The following GPAT4 variants were observed in gnomAD, a reference collection of about 807,000 sequenced individuals.
GPAT4 encodes 1-AGP acyltransferase 6.
GPAT4 carries 17 observed loss-of-function variants against 58.0 expected under a neutral mutation model. The ratio of observed to expected loss-of-function variants is 0.29; its 90% confidence interval spans 0.20 to 0.44. The LOEUF is 0.44. Ranked by LOEUF, GPAT4 falls within the 20% of genes least tolerant of loss-of-function variation. The pLI, the probability that GPAT4 is intolerant of heterozygous loss-of-function variation, is 1.00. For missense variants in GPAT4, 377 were observed against 574.5 expected (o/e 0.66, Z 3.51); for synonymous variants, 204 against 210.1 (o/e 0.97, Z 0.25).
In GPAT4 at chr8:41,618,757, T is replaced by G; in HGVS notation, c.1127T>G (p.Met376Arg). The G allele has an allele frequency of 6.2e-7, 1 of 1,614,266 alleles. No individual in the cohort carries two copies. The highest frequency in any genetic ancestry group is 8.5e-7 in the Non-Finnish European group (1 of 1,180,050). Residue 376 changes from methionine to arginine, a missense_variant, in exon 11 of 13, where the codon ATG becomes AGG. By Grantham distance (91) the Met-to-Arg change is moderately conservative. Transcript: ENST00000396987. ...ATGGTGACGTACCTGCTGCGAATGA[T>G]GACCAGCTGGGCCATTGTCTGCAGC... is the stretch of plus-strand genomic sequence containing the variant. ...YGMVTYLLRM[M>R]TSWAIVCSVW...
chr8:41,604,553 G>T (rs907333010), intron 2 of GPAT4, among the ~76,000 whole-genome samples: 17 of 152,210 alleles, frequency 1.1e-4, no homozygotes, highest in Non-Finnish European at 2.4e-4. Context: ...ATTACTAGGA[G>T]TAGAATTCCC....
chr8:41,584,093 C>G (rs926944700), intron 1 of GPAT4, among the ~76,000 whole-genome samples: 1 of 152,122 alleles, frequency 6.6e-6, no homozygotes, highest in Admixed American at 6.5e-5. Flanking sequence ...AATGGGGTCT[C>G]TCCTTGTTGT....
chr8:41,603,627 C>G (rs1009687933), intron 2 of GPAT4, among the ~76,000 whole-genome samples: 3 of 151,852 alleles, frequency 2.0e-5, no homozygotes, highest in Non-Finnish European at 4.4e-5. Flanking sequence ...TCTGATGTCC[C>G]AAGTATGGAC....
Position 41,621,049 on chromosome 8 carries a change from C to G in GPAT4, c.*48C>G. On this transcript the variant is annotated 3_prime_UTR_variant, in exon 13 of 13. Coordinates refer to ENST00000396987, the MANE Select transcript of GPAT4 (RefSeq NM_178819.4). ...CCACCGTGCGGGGTGCCAACGGGCT[C>G]AGAGCTGGAGTTGCCGCCGCCGCCC... 3 of 1,548,924 alleles carry G rather than the reference C, an allele frequency of 1.9e-6. No homozygotes were observed. Among genetic ancestry groups the G allele is most frequent in the Non-Finnish European group, 2.6e-6 (3 of 1,146,414 alleles).
At position 41,594,760 on chromosome 8, in the gene GPAT4, T is replaced by G. The variant is rs967635380; in HGVS notation, c.-848-3532T>G. On this transcript the variant is annotated intron_variant, in intron 1 of 12. Transcript: ENST00000396987. Reference sequence around the variant, plus strand: ...CGGGGTTTCACCGTGTTAGCCAGGATGGTCTCCATCTCCTGACCTTGTGAT... The same window carrying G: ...CGGGGTTTCACCGTGTTAGCCAGGAGGGTCTCCATCTCCTGACCTTGTGAT... Among the ~76,000 whole-genome samples the G allele has an allele frequency of 2.0e-5, 3 of 152,148 alleles. No homozygotes were observed. The East Asian group carries it at 5.8e-4, about 29-fold the overall frequency.
At position 41,590,517 on chromosome 8, in the gene GPAT4, CT is replaced by C. The variant is rs1802762124; in HGVS notation, c.-848-7773del. The stretch of plus-strand genomic sequence containing the variant: ...CCCTGGGTAACTTGAGTCCCTTAAT[CT>C]TCCCAACCTCAGTGTCCTCACCTGT... On this transcript the variant is annotated intron_variant, in intron 1 of 12. Coordinates refer to ENST00000396987, the MANE Select transcript of GPAT4 (RefSeq NM_178819.4). Among the ~76,000 whole-genome samples the C allele has an allele frequency of 6.6e-5, 10 of 152,236 alleles. 1 individual carries two copies. Among genetic ancestry groups the C allele is most frequent in the Admixed American group, 6.5e-4 (10 of 15,286 alleles).
At chr8:41,620,568 C>T (rs1306306779) in intron 12 of GPAT4, among the ~76,000 whole-genome samples, 2 of 152,180 alleles carry the variant, frequency 1.3e-5, no homozygotes, top group Non-Finnish European at 1.5e-5. Context: ...GCCAGAATTC[C>T]TCCTTTTCCT....
chr8:41,589,994 G>A (rs758971524), intron 1 of GPAT4, among the ~76,000 whole-genome samples: 2 of 152,226 alleles, frequency 1.3e-5, no homozygotes, highest in East Asian at 1.9e-4. Flanking sequence ...TGGCATGTAC[G>A]AGCGTTTATC....
Position 41,621,186 on chromosome 8 carries a change from C to G in GPAT4, c.*185C>G. 7.4e-6 allele frequency: 6 copies of G among 806,430 alleles called. No individual in the cohort carries two copies. Among genetic ancestry groups the G allele is most frequent in the Non-Finnish European group, 1.1e-5 (6 of 524,666 alleles). 50.0% of individuals were successfully genotyped at this position (806,430 alleles called of 1,614,324 possible). On this transcript the variant is annotated 3_prime_UTR_variant, in exon 13 of 13. Coordinates refer to ENST00000396987, the MANE Select transcript of GPAT4 (RefSeq NM_178819.4). The stretch of plus-strand genomic sequence containing the variant: ...CCCTGTGCACCCGGCGCAGCCTACC[C>G]TTGGTGGTCTAAACGGATGCTGCTG...
intron 1 of GPAT4, among the ~76,000 whole-genome samples, chr8:41,585,544 G>A (rs538768695): frequency 6.6e-6 from 1 of 152,300 alleles, no homozygotes; most frequent in African/African-American, 2.4e-5. Context: ...AGTAGTAGAA[G>A]CTTCTATTTA....
intron 1 of GPAT4, among the ~76,000 whole-genome samples, chr8:41,583,971 A>G (rs1384963462): frequency 2.6e-5 from 4 of 152,186 alleles, no homozygotes; most frequent in Non-Finnish European, 5.9e-5. Flanking sequence ...GTCATGGCTC[A>G]CTGCAGCCTC....
rs1803783050 is a variant in GPAT4 at position 41,622,469 on chromosome 8, GCTC to G, written c.*1472_*1474del. The G allele has an allele frequency of 6.6e-6, 1 of 152,364 alleles. No individual in the cohort carries two copies. Among genetic ancestry groups the G allele is most frequent in the African/African-American group, 2.4e-5 (1 of 41,452 alleles). The allele number at this position is 152,364 out of a possible 1,614,324, so 9.4% of individuals were successfully genotyped here. The stretch of plus-strand genomic sequence containing the variant: ...GGTTCTGGGGTTTCACCAGTTTCAT[GCTC>G]CTCAGCTCCCCATTCATGCCCCACC... On this transcript the variant is annotated 3_prime_UTR_variant, in exon 13 of 13. Transcript: ENST00000396987.
At chr8:41,602,042 C>T (rs897255924) in intron 2 of GPAT4, among the ~76,000 whole-genome samples, 9 of 152,220 alleles carry the variant, frequency 5.9e-5, no homozygotes, top group African/African-American at 1.7e-4. Context: ...GCAGCCTCCT[C>T]GTCCTGGGTT....
At chr8:41,580,615 C>CT (rs1283706930) in intron 1 of GPAT4, among the ~76,000 whole-genome samples, 1 of 152,156 alleles carries the variant, frequency 6.6e-6, no homozygotes, top group Non-Finnish European at 1.5e-5. Context: ...TGTTAGGGGT[C>CT]TTTGAGTTTT....
intron 2 of GPAT4, among the ~76,000 whole-genome samples, chr8:41,606,186 A>C (rs1453587206): frequency 6.6e-6 from 1 of 152,238 alleles, no homozygotes; most frequent in Non-Finnish European, 1.5e-5. Context: ...GGGTTGTGGG[A>C]ACCCCGATTT....
chr8:41,602,622 C>T (rs935254956), intron 2 of GPAT4, among the ~76,000 whole-genome samples: 5 of 152,156 alleles, frequency 3.3e-5, no homozygotes. Flanking sequence ...GCCCAGTGGG[C>T]TTCAGGTCTT....
At chr8:41,590,207 C>T (rs1352265111) in intron 1 of GPAT4, among the ~76,000 whole-genome samples, 2 of 152,080 alleles carry the variant, frequency 1.3e-5, no homozygotes, top group Non-Finnish European at 2.9e-5. Flanking sequence ...CTGCCTCAGC[C>T]TCCTGAGTAG....
At chr8:41,599,652 A>C (rs1803028336) in intron 2 of GPAT4, among the ~76,000 whole-genome samples, 2 of 152,220 alleles carry the variant, frequency 1.3e-5, no homozygotes, top group African/African-American at 4.8e-5. Flanking sequence ...CTCACTGAGA[A>C]GCATGGGAGA....
chr8:41,618,431 T>C (rs1803655298), intron 10 of GPAT4: 1 of 541,366 alleles, frequency 1.8e-6, no homozygotes, highest in Non-Finnish European at 3.3e-6. Context: ...GGAAGACATT[T>C]GCTTGAGGCA....
Sources: allele counts gnomAD v4.1 joint callset (sites outside exome capture counted in the v4.1 genomes callset), GRCh38; gene constraint gnomAD v4.1.1; transcripts MANE v1.5; gene names NCBI Gene and HGNC (gene_info 2026-07-23, HGNC 2026-07-21).